Variants in ZC3H11A observed in about 807,000 individuals in gnomAD.
ZC3H11A encodes zinc finger CCCH-type containing 11A, also known as zinc finger CCCH domain-containing protein 11A.
Under a neutral mutation model 90.8 loss-of-function variants are expected in ZC3H11A, and 22 were observed. The observed-to-expected ratio is 0.24, with a 90% CI of 0.17 to 0.35. The LOEUF is 0.35. Among genes scored for constraint, ZC3H11A ranks in the 10% least tolerant of loss-of-function variants. ZC3H11A has a pLI of 1.00. For missense variants in ZC3H11A, 701 were observed against 964.9 expected, an observed-to-expected ratio of 0.73 and a Z score of 3.62; for synonymous variants, 294 against 339.8, an observed-to-expected ratio of 0.87 and a Z score of 1.48.
intron 2 of ZC3H11A, among the ~76,000 whole-genome samples, chr1:203,811,055 C>T (rs1674310594): frequency 1.3e-5 from 2 of 151,068 alleles, no homozygotes; most frequent in Admixed American, 6.6e-5. Flanking sequence ...GCAAGAGAAT[C>T]GCTTGAAACC....
At chr1:203,850,775 AC>A in intron 16 of ZC3H11A, 94 bp downstream of exon 16, 1 of 1,480,618 alleles carries the variant, frequency 6.8e-7, no homozygotes, top group East Asian at 2.5e-5. Context: ...TGAGTATATC[AC>A]TTCCTGGCAT....
chr1:203,830,113 G>A lies in ZC3H11A; in HGVS notation c.620-10G>A. 6.3e-7 allele frequency: 1 copy of A among 1,585,128 alleles called. No homozygotes were observed. Among genetic ancestry groups the A allele is most frequent in the Non-Finnish European group, 8.6e-7 (1 of 1,164,770 alleles). Reference sequence around the variant, plus strand: ...CCCGTTCCTCATAAAATTTCTATTTGAATTTTCAGGTGAATGTTTGAATTT... The same window carrying A: ...CCCGTTCCTCATAAAATTTCTATTTAAATTTTCAGGTGAATGTTTGAATTT... On this transcript the variant is annotated splice_polypyrimidine_tract_variant and intron_variant, in intron 7 of 17. Coordinates refer to ENST00000367210, the MANE Select transcript of ZC3H11A (RefSeq NM_001376342.1).
intron 1 of ZC3H11A, chr1:203,798,565 A>G: frequency 6.5e-7 from 1 of 1,536,166 alleles, no homozygotes; most frequent in Middle Eastern, 1.7e-4. Flanking sequence ...GATACCTTGC[A>G]TGGAGAAAAG....
At chr1:203,797,591 TGATTCTGG>T (rs1388938010) in intron 1 of ZC3H11A, 8 of 1,534,298 alleles carry the variant, frequency 5.2e-6, no homozygotes, top group East Asian at 2.4e-5. Context: ...ACACTTTTAG[TGATTCTGG>T]GATTCTGGGA....
intron 2 of ZC3H11A, among the ~76,000 whole-genome samples, chr1:203,815,883 A>C (rs918492842): frequency 5.3e-5 from 8 of 152,174 alleles, no homozygotes; most frequent in Admixed American, 1.3e-4. Context: ...ATGCTTTTGT[A>C]GAAGCTTGCT....
chr1:203,806,755 A>T (rs931791643), intron 2 of ZC3H11A, among the ~76,000 whole-genome samples: 2 of 146,114 alleles, frequency 1.4e-5, no homozygotes, highest in African/African-American at 5.0e-5. Context: ...ATTTCTGGTG[A>T]TTATGTGCAT....
intron 12 of ZC3H11A, among the ~76,000 whole-genome samples, chr1:203,841,954 C>T (rs1219456356): frequency 6.6e-6 from 1 of 150,582 alleles, no homozygotes; most frequent in Non-Finnish European, 1.5e-5. Flanking sequence ...CTCCTCAGTT[C>T]CCAGACGGGG....
At chr1:203,850,957 G>A (rs1689103130) in intron 16 of ZC3H11A, 100 bp from the exon 17 acceptor site, 12 of 1,397,550 alleles carry the variant, frequency 8.6e-6, no homozygotes, top group Non-Finnish European at 1.1e-5. Context: ...CAGGCTTAAA[G>A]AATCATAGCC....
In ZC3H11A at chr1:203,810,651, C is replaced by G. The variant is rs905604315; in HGVS notation, c.-145-6275C>G. On this transcript the variant is annotated intron_variant, in intron 2 of 17. Coordinates refer to ENST00000367210, the MANE Select transcript of ZC3H11A (RefSeq NM_001376342.1). ...AGCCAGGATGGTCTCGATCTCCTGA[C>G]CTCGTGATCCACCCGCCTCGGACTC... Among the ~76,000 whole-genome samples the G allele has an allele frequency of 2.6e-5, 4 of 152,018 alleles. 1 individual carries two copies. Among genetic ancestry groups the G allele is most frequent in the African/African-American group, 9.7e-5 (4 of 41,412 alleles).
At chr1:203,801,399 G>C in intron 1 of ZC3H11A, 176 bp from the exon 2 acceptor site, 1 of 152,110 alleles carries the variant, frequency 6.6e-6, no homozygotes, top group Admixed American at 6.5e-5. Context: ...TATGTGTTAG[G>C]AATCATTGGT....
intron 1 of ZC3H11A, chr1:203,799,971 G>C: frequency 6.5e-7 from 1 of 1,536,104 alleles, no homozygotes. Flanking sequence ...AACTTCAGAA[G>C]CTTCTTGTCC....
intron 1 of ZC3H11A, chr1:203,797,543 T>A (rs1037097707): frequency 6.6e-7 from 1 of 1,523,586 alleles, no homozygotes; most frequent in Non-Finnish European, 8.7e-7. Flanking sequence ...GTACTCTAAG[T>A]GTACCAGTTT....
chr1:203,815,216 C>CTTTTCTTT (rs1553261508), intron 2 of ZC3H11A, among the ~76,000 whole-genome samples: 12 of 97,144 alleles, frequency 1.2e-4, no homozygotes, highest in African/African-American at 4.7e-4. Flanking sequence ...CTTTTCTTTT[C>CTTTTCTTT]TTTTTTTTTT....
chr1:203,814,639 C>T (rs1358618993), intron 2 of ZC3H11A, among the ~76,000 whole-genome samples: 1 of 152,108 alleles, frequency 6.6e-6, no homozygotes, highest in African/African-American at 2.4e-5. Context: ...GCTTTAGCAG[C>T]AGTTTCTTCT....
At chr1:203,807,789 C>T (rs1672884629) in intron 2 of ZC3H11A, among the ~76,000 whole-genome samples, 2 of 151,962 alleles carry the variant, frequency 1.3e-5, no homozygotes, top group African/African-American at 4.8e-5. Flanking sequence ...TTGCGCAGAC[C>T]AGAGTGCAGT....
chr1:203,832,657 G>A (rs923098167), intron 9 of ZC3H11A, among the ~76,000 whole-genome samples: 1 of 152,028 alleles, frequency 6.6e-6, no homozygotes, highest in Non-Finnish European at 1.5e-5. Context: ...CACCACACCC[G>A]GCCTGTAACG....
intron 2 of ZC3H11A, among the ~76,000 whole-genome samples, chr1:203,813,163 C>A (rs1305362132): frequency 6.6e-6 from 1 of 151,824 alleles, no homozygotes; most frequent in East Asian, 1.9e-4. Context: ...CAGAGCAGAC[C>A]TTTTTAATTT....
intron 2 of ZC3H11A, chr1:203,806,234 T>G: frequency 2.7e-6 from 1 of 364,546 alleles, no homozygotes. Flanking sequence ...AGCGGAGCCT[T>G]AATTTCACTT....
At chr1:203,833,923 C>T (rs1302791722) in intron 10 of ZC3H11A, 70 bp downstream of exon 10, 1 of 1,542,188 alleles carries the variant, frequency 6.5e-7, no homozygotes, top group Non-Finnish European at 8.8e-7. Context: ...CTTCTCCAAA[C>T]TCTTTTTATA....
Sources: allele counts gnomAD v4.1 joint callset (sites outside exome capture counted in the v4.1 genomes callset), GRCh38; gene constraint gnomAD v4.1.1; transcripts MANE v1.5; gene names NCBI Gene and HGNC (gene_info 2026-07-23, HGNC 2026-07-21).